NEMP2: variants seen among roughly 807,000 people sequenced by gnomAD.
The protein encoded by NEMP2 is nuclear envelope integral membrane protein 2.
Under a neutral mutation model 54.2 loss-of-function variants are expected in NEMP2, and 53 were observed. That is an observed-to-expected ratio of 0.98 (90% CI 0.78 to 1.23). NEMP2 has a LOEUF of 1.23. Ranked by LOEUF, NEMP2 falls within the 50% of genes most tolerant of loss-of-function variation. The probability of loss-of-function intolerance (pLI) is 0.00; values close to 1 mark genes in which losing one functional copy is unlikely to be tolerated. For synonymous variants in NEMP2, 197 were observed against 190.3 expected, an observed-to-expected ratio of 1.04 and a Z score of -0.29; for missense variants, 455 against 511.3, an observed-to-expected ratio of 0.89 and a Z score of 1.06.
rs1574304915 is a variant in NEMP2 at position 190,521,081 on chromosome 2, A to G, written c.214-1898T>C. On this transcript the variant is annotated intron_variant, in intron 2 of 8. Transcript: ENST00000409150. This position sits in a 1 kb window ranked among gnomAD's most constrained non-coding sequence, Gnocchi z 6.2. ...AGAAGTGCACACTGGTCTCACTTCA[A>G]ATCCATGACTGTGAACTTAAGAGAG... Among the ~76,000 whole-genome samples the G allele has an allele frequency of 6.6e-6, 1 of 152,262 alleles. No individual in the cohort carries two copies. The highest frequency in any genetic ancestry group is 1.9e-4 in the East Asian group (1 of 5,172).
the NEMP2 span, among the ~76,000 whole-genome samples, chr2:190,493,464 A>G: frequency 6.6e-6 from 1 of 152,194 alleles, no homozygotes; most frequent in African/African-American, 2.4e-5. Context: ...TGACAGCACT[A>G]GACAGGACAT....
At chr2:190,469,897 C>A in the NEMP2 span, 1 of 1,447,790 alleles carries the variant, frequency 6.9e-7, no homozygotes, top group South Asian at 1.2e-5. This position sits in a 1 kb window ranked among gnomAD's most constrained non-coding sequence, Gnocchi z 5.3. Context: ...TCTGCCTTCC[C>A]TGAGCTGTGG....
At chr2:190,452,763 G>A in the NEMP2 span, among the ~76,000 whole-genome samples, 5 of 152,014 alleles carry the variant, frequency 3.3e-5, no homozygotes, top group African/African-American at 9.7e-5. Context: ...GTGCCCCCAC[G>A]TCCCCAAATT....
At chr2:190,638,041 G>C in the NEMP2 span, among the ~76,000 whole-genome samples, 32,308 of 152,142 alleles carry the variant, frequency 0.21, 3,580 homozygotes, top group Non-Finnish European at 0.25. The surrounding 1 kb of genome is among the most constrained non-coding windows in gnomAD (Gnocchi z 5.7). Flanking sequence ...AGTGAAGAAA[G>C]AGGGATGAAA....
chr2:190,539,530 C>A (rs1488092362), upstream of NEMP2, among the ~76,000 whole-genome samples: 1 of 152,040 alleles, frequency 6.6e-6, no homozygotes, highest in African/African-American at 2.4e-5. The surrounding 1 kb of genome is among the most constrained non-coding windows in gnomAD (Gnocchi z 4.1). Flanking sequence ...TTGTAGATCA[C>A]TTTGGGCAGT....
chr2:190,469,275 A>G, the NEMP2 span, among the ~76,000 whole-genome samples: 3 of 152,144 alleles, frequency 2.0e-5, no homozygotes, highest in African/African-American at 7.2e-5. This position sits in a 1 kb window ranked among gnomAD's most constrained non-coding sequence, Gnocchi z 5.3. Flanking sequence ...ACTGCTTGGT[A>G]TCTTGGGTAT....
chr2:190,483,053 G>A, the NEMP2 span, among the ~76,000 whole-genome samples: 3 of 150,194 alleles, frequency 2.0e-5, no homozygotes, highest in Non-Finnish European at 4.4e-5. Flanking sequence ...CACCGCGCCC[G>A]GCTAATTTTT....
chr2:190,485,829 T>C, the NEMP2 span, among the ~76,000 whole-genome samples: 1 of 151,706 alleles, frequency 6.6e-6, no homozygotes, highest in Non-Finnish European at 1.5e-5. The surrounding 1 kb of genome is among the most constrained non-coding windows in gnomAD (Gnocchi z 5.1). Context: ...CTAGTTAAAA[T>C]GATGACTGAA....
chr2:190,437,803 AAAAGACCT>A, the NEMP2 span, among the ~76,000 whole-genome samples: 2 of 152,160 alleles, frequency 1.3e-5, no homozygotes, highest in Non-Finnish European at 2.9e-5. This position sits in a 1 kb window ranked among gnomAD's most constrained non-coding sequence, Gnocchi z 5.9. Flanking sequence ...CACCCCACAG[AAAAGACCT>A]ATAGGCTACC....
At chr2:190,610,193 G>A in the NEMP2 span, 1 of 152,120 alleles carries the variant, frequency 6.6e-6, no homozygotes, top group Non-Finnish European at 1.5e-5. This position sits in a 1 kb window ranked among gnomAD's most constrained non-coding sequence, Gnocchi z 5.4. Flanking sequence ...TCTCTTCATG[G>A]TAGGACTGGT....
At chr2:190,568,542 GC>G in the NEMP2 span, among the ~76,000 whole-genome samples, 1,544 of 152,204 alleles carry the variant, frequency 0.01, 17 homozygotes, top group South Asian at 0.071. This position sits in a 1 kb window ranked among gnomAD's most constrained non-coding sequence, Gnocchi z 4.7. Flanking sequence ...ATAATTATCG[GC>G]CGGGCACAGT....
At chr2:190,429,409 T>G in the NEMP2 span, among the ~76,000 whole-genome samples, 3 of 151,290 alleles carry the variant, frequency 2.0e-5, no homozygotes, top group South Asian at 6.3e-4. Context: ...CACTGCAACC[T>G]CCGTCTCCTG....
Position 190,513,703 on chromosome 2 carries a change from G to C in NEMP2, c.953+750C>G, listed in dbSNP as rs543741616. On this transcript the variant is annotated intron_variant, in intron 7 of 8. Transcript: ENST00000409150. This position sits in a 1 kb window ranked among gnomAD's most constrained non-coding sequence, Gnocchi z 5.3. ...TCAGGAAAGCCCTCCGCATTTATTC[G>C]TCTGGTTATTTTTATTCATTCTTTA... Among the ~76,000 whole-genome samples, 2 of 152,146 alleles carry C rather than the reference G, an allele frequency of 1.3e-5. No homozygotes were observed. The highest frequency in any genetic ancestry group is 4.8e-5 in the African/African-American group (2 of 41,418).
downstream of NEMP2, chr2:190,500,105 TCC>T: frequency 6.2e-7 from 1 of 1,614,102 alleles, no homozygotes; most frequent in Non-Finnish European, 8.5e-7. The surrounding 1 kb of genome is among the most constrained non-coding windows in gnomAD (Gnocchi z 5.3). Flanking sequence ...AAACCAGCCA[TCC>T]CCTGACGCAG....
the NEMP2 span, among the ~76,000 whole-genome samples, chr2:190,478,517 C>T: frequency 2.0e-5 from 3 of 152,180 alleles, no homozygotes; most frequent in Admixed American, 6.5e-5. Flanking sequence ...AGTTTGGATT[C>T]GTCTGCCTTT....
At chr2:190,548,043 G>A in the NEMP2 span, among the ~76,000 whole-genome samples, 1 of 152,152 alleles carries the variant, frequency 6.6e-6, no homozygotes, top group African/African-American at 2.4e-5. Flanking sequence ...CACTTGGAAT[G>A]ACAGGCAGGA....
the NEMP2 span, among the ~76,000 whole-genome samples, chr2:190,473,900 G>A: frequency 3.3e-5 from 5 of 152,252 alleles, no homozygotes; most frequent in East Asian, 9.6e-4. Flanking sequence ...TAGAACTCAG[G>A]ATTAAGAAAC....
the NEMP2 span, among the ~76,000 whole-genome samples, chr2:190,452,438 AAC>A: frequency 5.9e-5 from 9 of 152,344 alleles, 1 homozygote; most frequent in Admixed American, 5.2e-4. Context: ...TAATCTTTTT[AAC>A]AGTCTTGTGA....
At chr2:190,470,966 G>C in the NEMP2 span, among the ~76,000 whole-genome samples, 1 of 152,002 alleles carries the variant, frequency 6.6e-6, no homozygotes, top group Non-Finnish European at 1.5e-5. Context: ...GCTAGTAAAA[G>C]GAGATTCTGT....
Sources: gnomAD v4.1 joint callset for allele counts (sites outside exome capture counted in the v4.1 genomes callset) on GRCh38, gnomAD v4.1.1 for gene constraint, Gnocchi (gnomAD v3.1) non-coding constraint, MANE v1.5 for transcripts, NCBI Gene and HGNC (gene_info 2026-07-23, HGNC 2026-07-21) for gene names.